NTNG1: variants seen among roughly 807,000 people sequenced by gnomAD.
The protein encoded by NTNG1 is netrin G1.
Under a neutral mutation model 54.0 loss-of-function variants are expected in NTNG1, and 16 were observed. The ratio of observed to expected loss-of-function variants is 0.30; its 90% CI spans 0.20 to 0.45. The LOEUF (loss-of-function observed/expected upper bound fraction) is 0.45. Among genes scored for constraint, NTNG1 ranks in the 20% least tolerant of loss-of-function variants. The pLI is 1.00. For synonymous variants in NTNG1, 255 were observed against 263.1 expected (o/e 0.97, Z 0.30); for missense variants, 530 against 678.7 (o/e 0.78, Z 2.43).
intron 2 of NTNG1, among the ~76,000 whole-genome samples, chr1:107,284,747 A>G (rs1475484785): frequency 2.0e-5 from 3 of 152,080 alleles, no homozygotes; most frequent in African/African-American, 4.8e-5. Context: ...TGGCATAACT[A>G]TGGGTGCTTT....
intron 2 of NTNG1, among the ~76,000 whole-genome samples, chr1:107,203,271 CA>C (rs1658899763): frequency 6.6e-6 from 1 of 151,180 alleles, no homozygotes; most frequent in East Asian, 1.9e-4. Context: ...GTTTTTTCAT[CA>C]AGGGTCTGTG....
intron 2 of NTNG1, among the ~76,000 whole-genome samples, chr1:107,304,821 C>T (rs567320516): frequency 6.6e-5 from 10 of 151,682 alleles, no homozygotes; most frequent in South Asian, 2.1e-4. Context: ...ATGCCATGGT[C>T]GTTTGCTGCA....
At chr1:107,212,817 A>G (rs1005449508) in intron 2 of NTNG1, among the ~76,000 whole-genome samples, 6 of 152,106 alleles carry the variant, frequency 3.9e-5, no homozygotes, top group African/African-American at 1.4e-4. Context: ...GAAGGAAACT[A>G]TCGCGTATTG....
intron 7 of NTNG1, among the ~76,000 whole-genome samples, chr1:107,453,368 C>T (rs943360590): frequency 1.3e-5 from 2 of 152,216 alleles, no homozygotes; most frequent in African/African-American, 4.8e-5. Context: ...TCTAAAACTT[C>T]ATCCAGAAAC....
intron 2 of NTNG1, among the ~76,000 whole-genome samples, chr1:107,250,441 G>A (rs1055918706): frequency 6.6e-6 from 1 of 152,154 alleles, no homozygotes; most frequent in African/African-American, 2.4e-5. Flanking sequence ...AAAGACAGCT[G>A]TGAAAACATG....
At chr1:107,258,738 T>C (rs535386978) in intron 2 of NTNG1, among the ~76,000 whole-genome samples, 9 of 152,342 alleles carry the variant, frequency 5.9e-5, no homozygotes, top group African/African-American at 2.2e-4. Context: ...GCCACTTCAC[T>C]GAATGCCTTT....
rs1055753118 is a variant in NTNG1, at chr1:107,421,264, T to C, written c.1088-9486T>C. On this transcript the variant is annotated intron_variant, in intron 5 of 7. Transcript: ENST00000370068. ...CAGCTTATTGGTGAGGCATGTTGAC[T>C]AATATCAATCAATGCATCGAATAGT... 16 of 678,026 alleles carry C rather than the reference T, an allele frequency of 2.4e-5. No homozygotes were observed. The African/African-American group carries it at 2.5e-4, about 11-fold the overall frequency. The allele number at this position is 678,026 out of a possible 1,614,324, so 42.0% of individuals were successfully genotyped here. A position where few individuals can be genotyped will look rare whatever the true frequency, so the allele number is the denominator to read the frequency against.
chr1:107,376,664 T>C (rs1216732617), intron 3 of NTNG1, among the ~76,000 whole-genome samples: 1 of 152,196 alleles, frequency 6.6e-6, no homozygotes, highest in East Asian at 1.9e-4. Flanking sequence ...TTTGTTTTCC[T>C]TGAGTTTCTT....
intron 2 of NTNG1, among the ~76,000 whole-genome samples, chr1:107,228,879 G>T (rs146927445): frequency 1.3e-5 from 2 of 152,168 alleles, no homozygotes; most frequent in African/African-American, 4.8e-5. Flanking sequence ...GCCATGTGCT[G>T]TGGTCAGCCT....
chr1:107,373,829 G>C (rs1247232822), intron 3 of NTNG1, among the ~76,000 whole-genome samples: 1 of 151,864 alleles, frequency 6.6e-6, no homozygotes, highest in Non-Finnish European at 1.5e-5. Context: ...CTCTCAAGTA[G>C]CCGAGACTCC....
At chr1:107,188,229 T>C (rs1657620546) in intron 2 of NTNG1, among the ~76,000 whole-genome samples, 1 of 152,080 alleles carries the variant, frequency 6.6e-6, no homozygotes, top group Non-Finnish European at 1.5e-5. Context: ...TTGGTGGGAC[T>C]GTATTTATCA....
intron 7 of NTNG1, among the ~76,000 whole-genome samples, chr1:107,457,812 C>T (rs1677044576): frequency 6.6e-6 from 1 of 152,006 alleles, no homozygotes. Flanking sequence ...GAATCTAATA[C>T]TTTGCCGTAA....
intron 2 of NTNG1, among the ~76,000 whole-genome samples, chr1:107,286,637 A>G (rs1326060886): frequency 6.6e-6 from 1 of 152,198 alleles, no homozygotes; most frequent in Non-Finnish European, 1.5e-5. Context: ...GGTGAAAGTG[A>G]GAAAAGAGAA....
upstream of NTNG1, among the ~76,000 whole-genome samples, chr1:107,140,554 G>A: frequency 6.6e-6 from 1 of 152,116 alleles, no homozygotes; most frequent in Non-Finnish European, 1.5e-5. Context: ...TCTGACTTGA[G>A]TGGAGGAATG....
chr1:107,266,542 C>T lies in NTNG1; in HGVS notation c.247-57740C>T, dbSNP rs577179632. Among the ~76,000 whole-genome samples, 5 of 152,058 alleles carry T rather than the reference C, an allele frequency of 3.3e-5. No individual in the cohort carries two copies. The South Asian group carries it at 6.2e-4, about 19-fold the overall frequency. ...GTCCCCATGATCTAACTACCTCTCACCTCCTCTAACATTGGGGATTACAAT... is the reference window on the plus strand; with the variant it reads ...GTCCCCATGATCTAACTACCTCTCATCTCCTCTAACATTGGGGATTACAAT... On this transcript the variant is annotated intron_variant, in intron 2 of 7. Coordinates refer to ENST00000370068, the MANE Select transcript of NTNG1 (RefSeq NM_001113226.3).
chr1:107,443,106 A>G (rs895691508), intron 7 of NTNG1, among the ~76,000 whole-genome samples: 1 of 152,082 alleles, frequency 6.6e-6, no homozygotes, highest in African/African-American at 2.4e-5. Context: ...GGGCCTCTTC[A>G]ACTTCCCAGC....
intron 7 of NTNG1, among the ~76,000 whole-genome samples, chr1:107,437,053 C>T (rs557952075): frequency 1.3e-5 from 2 of 152,202 alleles, no homozygotes; most frequent in East Asian, 1.9e-4. Flanking sequence ...GATCCATATA[C>T]CCGTCCAGAC....
At chr1:107,385,131 G>A (rs1671878423) in intron 3 of NTNG1, among the ~76,000 whole-genome samples, 4 of 152,188 alleles carry the variant, frequency 2.6e-5, no homozygotes, top group African/African-American at 7.2e-5. Context: ...TTTATTAAGT[G>A]ATTAATATAT....
At chr1:107,390,644 A>C (rs1057040695) in intron 3 of NTNG1, among the ~76,000 whole-genome samples, 9 of 152,214 alleles carry the variant, frequency 5.9e-5, no homozygotes, top group African/African-American at 2.2e-4. Context: ...TTAATTTTTC[A>C]TTAATTAGTC....
Sources: gnomAD v4.1 joint callset for allele counts (sites outside exome capture counted in the v4.1 genomes callset) on GRCh38, gnomAD v4.1.1 for gene constraint, MANE v1.5 for transcripts, NCBI Gene and HGNC (gene_info 2026-07-23, HGNC 2026-07-21) for gene names.